The following MAF variants were observed in gnomAD, a reference collection of about 807,000 sequenced individuals.
MAF encodes MAF bZIP transcription factor, also known as transcription factor Maf.
MAF carries 10 observed loss-of-function variants against 22.0 expected under a neutral mutation model. That is an observed-to-expected ratio of 0.45 (90% confidence interval 0.28 to 0.77). The LOEUF (loss-of-function observed/expected upper bound fraction) is 0.77, where lower values mean the gene tolerates loss of function less well. Ranked by LOEUF, MAF falls within the 30% of genes least tolerant of loss-of-function variation. The pLI is 0.12. For missense variants in MAF, 544 were observed against 548.4 expected, an observed-to-expected ratio of 0.99 and a Z score of 0.08; for synonymous variants, 337 against 255.8, an observed-to-expected ratio of 1.32 and a Z score of -3.03.
chr16:79,481,998 G>C, the MAF span, among the ~76,000 whole-genome samples: 9 of 152,178 alleles, frequency 5.9e-5, no homozygotes, highest in African/African-American at 2.2e-4. Context: ...GCAGACAAAG[G>C]ATGGATGATG....
At chr16:79,212,869 TTG>T in the MAF span, 1 of 152,122 alleles carries the variant, frequency 6.6e-6, no homozygotes, top group South Asian at 2.1e-4. Context: ...GTGGGCCAAG[TTG>T]TCTCACGCGA....
At chr16:79,254,469 C>T in the MAF span, among the ~76,000 whole-genome samples, 1 of 152,152 alleles carries the variant, frequency 6.6e-6, no homozygotes, top group African/African-American at 2.4e-5. Context: ...CAATAATACT[C>T]CAAGTAGCAT....
the MAF span, among the ~76,000 whole-genome samples, chr16:79,546,253 C>A: frequency 6.6e-6 from 1 of 151,712 alleles, no homozygotes; most frequent in South Asian, 2.1e-4. Flanking sequence ...TTAATTTAAA[C>A]ACTATTGATT....
the MAF span, among the ~76,000 whole-genome samples, chr16:79,381,949 C>G: frequency 6.6e-6 from 1 of 152,154 alleles, no homozygotes; most frequent in East Asian, 1.9e-4. Context: ...TCAACAGCCC[C>G]CTTTTCCTGT....
the MAF span, among the ~76,000 whole-genome samples, chr16:79,408,056 A>C: frequency 1.0e-5 from 1 of 98,340 alleles, no homozygotes; most frequent in Non-Finnish European, 1.8e-5. Context: ...GATTAACTAC[A>C]TGTATTTGGC....
At chr16:79,568,028 G>A in the MAF span, among the ~76,000 whole-genome samples, 4 of 152,258 alleles carry the variant, frequency 2.6e-5, no homozygotes, top group South Asian at 8.3e-4. Flanking sequence ...GAATAAATAA[G>A]CTGCATCTTT....
the MAF span, among the ~76,000 whole-genome samples, chr16:79,249,335 C>G: frequency 1.3e-5 from 2 of 151,486 alleles, no homozygotes; most frequent in East Asian, 3.9e-4. Context: ...AAGAGAACCA[C>G]CTGAATCTGG....
At chr16:79,532,082 G>A in the MAF span, among the ~76,000 whole-genome samples, 8 of 152,030 alleles carry the variant, frequency 5.3e-5, no homozygotes, top group Non-Finnish European at 7.4e-5. Context: ...TATATTGCAC[G>A]GGATTGACTT....
chr16:79,535,107 A>G, the MAF span, among the ~76,000 whole-genome samples: 1 of 124,050 alleles, frequency 8.1e-6, no homozygotes, highest in African/African-American at 2.7e-5. Context: ...TGCATTTTGA[A>G]TTCGCCAGGA....
At chr16:79,377,595 C>A in the MAF span, among the ~76,000 whole-genome samples, 1 of 152,126 alleles carries the variant, frequency 6.6e-6, no homozygotes, top group South Asian at 2.1e-4. Context: ...GACATGAAGT[C>A]CTTGCCCATG....
chr16:79,412,469 G>A, the MAF span, among the ~76,000 whole-genome samples: 1 of 152,202 alleles, frequency 6.6e-6, no homozygotes, highest in African/African-American at 2.4e-5. Flanking sequence ...GTTCCATGAA[G>A]TATCTAAATC....
chr16:79,397,237 C>T, the MAF span, among the ~76,000 whole-genome samples: 8 of 152,170 alleles, frequency 5.3e-5, no homozygotes, highest in Non-Finnish European at 8.8e-5. Context: ...GGGCCACATG[C>T]ACTGAGTCTT....
At chr16:79,210,020 C>G in the MAF span, among the ~76,000 whole-genome samples, 1 of 152,172 alleles carries the variant, frequency 6.6e-6, no homozygotes, top group Non-Finnish European at 1.5e-5. Context: ...AACAAACCAG[C>G]TACTATTAAG....
At chr16:79,458,966 T>C in the MAF span, among the ~76,000 whole-genome samples, 1 of 152,196 alleles carries the variant, frequency 6.6e-6, no homozygotes, top group Non-Finnish European at 1.5e-5. Flanking sequence ...CTTAAACATA[T>C]ATATTACTTC....
chr16:79,422,677 T>C, the MAF span, among the ~76,000 whole-genome samples: 8 of 152,204 alleles, frequency 5.3e-5, no homozygotes, highest in Non-Finnish European at 1.2e-4. Context: ...CATATCTGGC[T>C]TTCGGGTGAG....
chr16:79,350,688 A>G, the MAF span, among the ~76,000 whole-genome samples: 1 of 152,138 alleles, frequency 6.6e-6, no homozygotes, highest in Non-Finnish European at 1.5e-5. Context: ...CACAAGATAG[A>G]AGAGGCCTGG....
the MAF span, among the ~76,000 whole-genome samples, chr16:79,237,193 T>A: frequency 1.3e-5 from 2 of 152,042 alleles, no homozygotes; most frequent in African/African-American, 2.4e-5. Flanking sequence ...TAATCCTATG[T>A]GTAATGTTAT....
chr16:79,594,579 A>G, intron 1 of MAF, 26 bp from the exon 2 acceptor site: 1 of 1,553,512 alleles, frequency 6.4e-7, no homozygotes, highest in South Asian at 1.2e-5. Context: ...AAGGAATTTT[A>G]ACACTATTTA....
the MAF span, among the ~76,000 whole-genome samples, chr16:79,256,149 A>AT: frequency 0.077 from 11,089 of 144,258 alleles, 510 homozygotes; most frequent in Middle Eastern, 0.14. Context: ...GCCCAGCTAA[A>AT]TTTTTTTTTT....
Sources: allele counts gnomAD v4.1 joint callset (sites outside exome capture counted in the v4.1 genomes callset), GRCh38; gene constraint gnomAD v4.1.1; transcripts MANE v1.5; gene names NCBI Gene and HGNC (gene_info 2026-07-23, HGNC 2026-07-21).